Variants in TEC observed in about 807,000 individuals in gnomAD.
TEC encodes tec protein tyrosine kinase.
Under a neutral mutation model 93.0 loss-of-function variants are expected in TEC, and 72 were observed. The ratio of observed to expected loss-of-function variants is 0.77; its 90% CI spans 0.64 to 0.94. The LOEUF (loss-of-function observed/expected upper bound fraction) is 0.94. Ranked by LOEUF, TEC falls within the 40% of genes least tolerant of loss-of-function variation. The pLI, the probability that TEC is intolerant of heterozygous loss-of-function variation, is 0.00. For missense variants in TEC, 630 were observed against 757.9 expected, an observed-to-expected ratio of 0.83 and a Z score of 1.98; for synonymous variants, 249 against 247.7, an observed-to-expected ratio of 1.01 and a Z score of -0.05.
intron 1 of TEC, among the ~76,000 whole-genome samples, chr4:48,239,803 G>A (rs951219377): frequency 6.6e-6 from 1 of 151,950 alleles, no homozygotes; most frequent in Admixed American, 6.6e-5. Flanking sequence ...AGATTCAGGA[G>A]GGTCTGACAT....
At chr4:48,241,555 C>A (rs1723923138) in intron 1 of TEC, among the ~76,000 whole-genome samples, 1 of 152,148 alleles carries the variant, frequency 6.6e-6, no homozygotes, top group South Asian at 2.1e-4. Context: ...TCAAATGATT[C>A]CAGCCCTTTG....
chr4:48,152,256 C>A (rs1720203314), intron 9 of TEC, among the ~76,000 whole-genome samples: 1 of 151,810 alleles, frequency 6.6e-6, no homozygotes, highest in Admixed American at 6.6e-5. Flanking sequence ...CAGAACCCCA[C>A]CTCTACTAAA....
intron 3 of TEC, among the ~76,000 whole-genome samples, 185 bp downstream of exon 3, chr4:48,175,897 A>G (rs7696119): frequency 0.38 from 57,601 of 152,026 alleles, 11,941 homozygotes; most frequent in East Asian, 0.9. Flanking sequence ...TCTTAGCCCC[A>G]ACTCCTTAAG....
At chr4:48,223,554 G>A (rs192681462) in intron 2 of TEC, among the ~76,000 whole-genome samples, 1 of 152,258 alleles carries the variant, frequency 6.6e-6, no homozygotes, top group East Asian at 1.9e-4. Context: ...GAATTGTTTT[G>A]AGAAATAAGA....
chr4:48,143,000 A>C (rs1719751218), intron 14 of TEC, among the ~76,000 whole-genome samples: 1 of 152,220 alleles, frequency 6.6e-6, no homozygotes, highest in South Asian at 2.1e-4. Context: ...TTTTAATACC[A>C]TAACCCATAG....
chr4:48,166,876 G>A (rs1298185864), intron 7 of TEC, among the ~76,000 whole-genome samples: 3 of 151,464 alleles, frequency 2.0e-5, no homozygotes, highest in East Asian at 1.9e-4. Flanking sequence ...AAAGGACCCC[G>A]CCTAAACTAG....
chr4:48,167,372 G>A (rs935180783), intron 7 of TEC, among the ~76,000 whole-genome samples: 1 of 151,978 alleles, frequency 6.6e-6, no homozygotes, highest in African/African-American at 2.4e-5. Context: ...CTGTGTATGT[G>A]TATGCATACA....
intron 8 of TEC, among the ~76,000 whole-genome samples, chr4:48,161,064 G>A (rs1371471389): frequency 3.9e-5 from 6 of 152,096 alleles, no homozygotes; most frequent in Non-Finnish European, 5.9e-5. Context: ...AGATTAGCTA[G>A]TTACCCCAAA....
intron 2 of TEC, among the ~76,000 whole-genome samples, chr4:48,207,252 T>TGA (rs1722745688): frequency 6.6e-6 from 1 of 152,016 alleles, no homozygotes; most frequent in Non-Finnish European, 1.5e-5. Flanking sequence ...GCTGAAAAGG[T>TGA]AGACTGAGGC....
At chr4:48,183,081 T>C (rs1721659713) in intron 2 of TEC, among the ~76,000 whole-genome samples, 1 of 152,180 alleles carries the variant, frequency 6.6e-6, no homozygotes, top group Non-Finnish European at 1.5e-5. Context: ...GGGTGAATCA[T>C]GTCTGCATTG....
chr4:48,224,575 T>C (rs1723378906), intron 2 of TEC, among the ~76,000 whole-genome samples: 2 of 152,166 alleles, frequency 1.3e-5, no homozygotes, highest in South Asian at 2.1e-4. Context: ...GATCAAATAA[T>C]ATAAACTTCC....
intron 8 of TEC, among the ~76,000 whole-genome samples, chr4:48,162,687 G>C: frequency 6.6e-6 from 1 of 152,116 alleles, no homozygotes; most frequent in Non-Finnish European, 1.5e-5. Flanking sequence ...GTGGCTTTTT[G>C]AACTTGTTAA....
At chr4:48,159,095 A>G (rs1256184824) in intron 8 of TEC, among the ~76,000 whole-genome samples, 1 of 152,090 alleles carries the variant, frequency 6.6e-6, no homozygotes, top group Non-Finnish European at 1.5e-5. Flanking sequence ...AAAAAAAAAA[A>G]AAGACAACAA....
At chr4:48,263,171 A>C (rs1724541856) in intron 1 of TEC, among the ~76,000 whole-genome samples, 1 of 152,164 alleles carries the variant, frequency 6.6e-6, no homozygotes, top group Non-Finnish European at 1.5e-5. Flanking sequence ...CTTGGTTCAC[A>C]TTCCAAGGAG....
At chr4:48,145,038 G>A (rs1427209143) in intron 14 of TEC, 41 bp downstream of exon 14, 2 of 1,577,424 alleles carry the variant, frequency 1.3e-6, no homozygotes, top group South Asian at 2.2e-5. Flanking sequence ...TGTTACAAAG[G>A]AATTCAGCCA....
chr4:48,159,266 G>A (rs1720524523), intron 8 of TEC, among the ~76,000 whole-genome samples: 1 of 152,162 alleles, frequency 6.6e-6, no homozygotes, highest in Non-Finnish European at 1.5e-5. Flanking sequence ...GAAGCATGGT[G>A]CCAGCACCAG....
intron 3 of TEC, among the ~76,000 whole-genome samples, chr4:48,174,043 C>T (rs373004999): frequency 3.3e-5 from 5 of 152,286 alleles, no homozygotes; most frequent in African/African-American, 1.2e-4. Flanking sequence ...CTTAGTTATA[C>T]TTAAGTTATA....
chr4:48,164,560 C>A (rs111494922), intron 7 of TEC, among the ~76,000 whole-genome samples: 1 of 151,938 alleles, frequency 6.6e-6, no homozygotes, highest in African/African-American at 2.4e-5. Context: ...AATACACACA[C>A]ACACACACAA....
chr4:48,238,697 AATTTATATATTTATATGT>A (rs61355571), intron 1 of TEC, among the ~76,000 whole-genome samples: 17,644 of 149,264 alleles, frequency 0.12, 1,263 homozygotes, highest in East Asian at 0.24. Flanking sequence ...TATGTATATA[AATTTATATATTTATATGT>A]ATTTATATAT....
Sources: gnomAD v4.1 joint callset for allele counts (sites outside exome capture counted in the v4.1 genomes callset) on GRCh38, gnomAD v4.1.1 for gene constraint, MANE v1.5 for transcripts, NCBI Gene and HGNC (gene_info 2026-07-23, HGNC 2026-07-21) for gene names.